SORCS1: variants seen among roughly 807,000 people sequenced by gnomAD.
The protein encoded by SORCS1 is VPS10 domain-containing receptor SorCS1.
A neutral mutation model predicts 146.1 loss-of-function variants in SORCS1; 60 were observed. The ratio of observed to expected loss-of-function variants is 0.41; its 90% CI spans 0.33 to 0.51. SORCS1 has a LOEUF of 0.51. SORCS1 is among the 20% of genes least tolerant of loss of function. The pLI, the probability that SORCS1 is intolerant of heterozygous loss-of-function variation, is 0.21. For missense variants in SORCS1, 1,352 were observed against 1,487.6 expected, an observed-to-expected ratio of 0.91 and a Z score of 1.50; for synonymous variants, 637 against 584.0, an observed-to-expected ratio of 1.09 and a Z score of -1.31.
At chr10:106,735,146 C>CAA (rs56273269) in intron 5 of SORCS1, among the ~76,000 whole-genome samples, 56,125 of 128,498 alleles carry the variant, frequency 0.44, 13,931 homozygotes, top group Admixed American at 0.61. Flanking sequence ...GACTCCATCT[C>CAA]AAAAAAAAAA....
intron 22 of SORCS1, 95 bp downstream of exon 22, chr10:106,611,816 T>TTGTC (rs1211683864): frequency 2.5e-5 from 25 of 995,868 alleles, no homozygotes. Flanking sequence ...CTGGGTTAGT[T>TTGTC]TGTTTGTTTT....
intron 1 of SORCS1, among the ~76,000 whole-genome samples, chr10:106,964,788 A>T (rs1030056352): frequency 2.0e-5 from 3 of 151,358 alleles, no homozygotes; most frequent in African/African-American, 7.3e-5. Flanking sequence ...ACCAGGCCTA[A>T]TTTTTTTTAG....
intron 2 of SORCS1, among the ~76,000 whole-genome samples, chr10:106,914,801 C>T (rs1044447831): frequency 3.3e-5 from 5 of 152,136 alleles, no homozygotes; most frequent in Non-Finnish European, 5.9e-5. Flanking sequence ...CAAATTATGG[C>T]GGTGGAAGTG....
At chr10:106,967,943 G>A (rs935162619) in intron 1 of SORCS1, among the ~76,000 whole-genome samples, 22 of 151,668 alleles carry the variant, frequency 1.5e-4, no homozygotes, top group African/African-American at 4.1e-4. Flanking sequence ...GGTGGCTCAC[G>A]CCTGTAATCC....
At chr10:106,589,589 C>T (rs17121011) in intron 24 of SORCS1, among the ~76,000 whole-genome samples, 2,453 of 151,860 alleles carry the variant, frequency 0.016, 27 homozygotes, top group African/African-American at 0.019. Context: ...CTGGTCTTCT[C>T]ACCTGAGTTT....
intron 3 of SORCS1, among the ~76,000 whole-genome samples, chr10:106,801,906 A>G (rs1287286160): frequency 1.3e-5 from 2 of 152,184 alleles, no homozygotes; most frequent in Non-Finnish European, 2.9e-5. Context: ...CACATAGATG[A>G]TAAGTGGCCA....
rs542042415 is a variant in SORCS1, at chr10:106,665,309, TA to T, written c.2303+2379del. 1.8e-3 allele frequency among the ~76,000 whole-genome samples: 275 copies of T among 152,156 alleles called. 3 individuals are homozygous for T. The highest frequency in any genetic ancestry group is 6.3e-3 in the African/African-American group (263 of 41,548). On this transcript the variant is annotated intron_variant, in intron 17 of 25. Coordinates refer to ENST00000263054, the MANE Select transcript of SORCS1 (RefSeq NM_052918.5). ...AGAAAGGAGAAGGGGCTTTGTCAAG[TA>T]AAACTGGCTGATTGGTAAGGTTCCT...
intron 6 of SORCS1, among the ~76,000 whole-genome samples, chr10:106,720,147 A>G (rs1855681743): frequency 6.6e-6 from 1 of 152,128 alleles, no homozygotes; most frequent in Admixed American, 6.5e-5. Context: ...TGCATTTTTT[A>G]TAACATCTCC....
At chr10:106,927,274 T>C (rs1480729980) in intron 2 of SORCS1, among the ~76,000 whole-genome samples, 2 of 152,204 alleles carry the variant, frequency 1.3e-5, no homozygotes, top group African/African-American at 4.8e-5. Flanking sequence ...TTCCTTCTGG[T>C]GGGTTCGTGG....
chr10:106,896,436 A>AG (rs1407671576), intron 2 of SORCS1, among the ~76,000 whole-genome samples: 1 of 151,572 alleles, frequency 6.6e-6, no homozygotes, highest in Non-Finnish European at 1.5e-5. Flanking sequence ...CTCAAAAAAA[A>AG]AAAAAAAAAA....
At chr10:106,757,650 C>T (rs1049620899) in intron 5 of SORCS1, among the ~76,000 whole-genome samples, 1 of 152,222 alleles carries the variant, frequency 6.6e-6, no homozygotes, top group African/African-American at 2.4e-5. Context: ...TTAAGGAACC[C>T]TTGTGAGCCA....
At chr10:106,823,328 T>C (rs1040468014) in intron 3 of SORCS1, among the ~76,000 whole-genome samples, 3 of 152,194 alleles carry the variant, frequency 2.0e-5, no homozygotes, top group African/African-American at 7.2e-5. Flanking sequence ...CATGTTCTTC[T>C]TGGTTAGAAC....
At chr10:106,940,622 G>A (rs868297523) in intron 2 of SORCS1, among the ~76,000 whole-genome samples, 5 of 152,158 alleles carry the variant, frequency 3.3e-5, no homozygotes, top group East Asian at 1.9e-4. Flanking sequence ...GGTGGCTCAC[G>A]CCTGTAATCC....
intron 17 of SORCS1, among the ~76,000 whole-genome samples, chr10:106,660,712 T>C (rs1262571229): frequency 6.6e-6 from 1 of 150,676 alleles, no homozygotes; most frequent in African/African-American, 2.4e-5. Context: ...ATCACGCCAC[T>C]GCACTCCATC....
chr10:106,889,371 G>A (rs1339852008), intron 2 of SORCS1, among the ~76,000 whole-genome samples: 1 of 152,124 alleles, frequency 6.6e-6, no homozygotes, highest in Non-Finnish European at 1.5e-5. Context: ...AGCAACAATG[G>A]CGTCACCTGG....
chr10:107,175,504 C>T, the SORCS1 span, among the ~76,000 whole-genome samples: 1 of 152,120 alleles, frequency 6.6e-6, no homozygotes, highest in Admixed American at 6.5e-5. Flanking sequence ...GTGGCGTGAT[C>T]TTGGCTCACT....
intron 1 of SORCS1, among the ~76,000 whole-genome samples, chr10:107,104,588 A>G (rs1479354753): frequency 1.3e-5 from 2 of 152,346 alleles, no homozygotes; most frequent in East Asian, 1.9e-4. Context: ...AGAAAAAAAA[A>G]GCATGTTTAA....
chr10:107,065,238 C>A (rs950101472), intron 1 of SORCS1, among the ~76,000 whole-genome samples: 2 of 152,094 alleles, frequency 1.3e-5, no homozygotes, highest in Non-Finnish European at 2.9e-5. Context: ...TGAGCATTCA[C>A]TTTCCCTACC....
At chr10:107,023,767 A>G (rs1207194731) in intron 1 of SORCS1, among the ~76,000 whole-genome samples, 1 of 152,198 alleles carries the variant, frequency 6.6e-6, no homozygotes, top group African/African-American at 2.4e-5. Context: ...ATATTTACAA[A>G]TTAAGAGAAA....
Sources: allele counts gnomAD v4.1 joint callset (sites outside exome capture counted in the v4.1 genomes callset), GRCh38; gene constraint gnomAD v4.1.1; transcripts MANE v1.5; gene names NCBI Gene and HGNC (gene_info 2026-07-23, HGNC 2026-07-21).